Variants in KATNAL2 observed in about 807,000 individuals in gnomAD.
The protein encoded by KATNAL2 is katanin p60 ATPase-containing subunit A-like 2.
KATNAL2 carries 52 observed loss-of-function variants against 76.3 expected under a neutral mutation model. That is an observed-to-expected ratio of 0.68 (90% CI 0.55 to 0.86). KATNAL2 has a LOEUF of 0.86. Ranked by LOEUF, KATNAL2 falls within the 40% of genes least tolerant of loss-of-function variation. The pLI is 0.00. For missense variants in KATNAL2, 660 were observed against 668.9 expected, an observed-to-expected ratio of 0.99 and a Z score of 0.15; for synonymous variants, 243 against 244.2, an observed-to-expected ratio of 1.00 and a Z score of 0.05.
At chr18:46,922,240 C>T (rs919224571) in intron 1 of KATNAL2, among the ~76,000 whole-genome samples, 6 of 151,796 alleles carry the variant, frequency 4.0e-5, no homozygotes, top group Admixed American at 3.9e-4. Context: ...GCTGGGACCA[C>T]GGGCACACCA....
At chr18:47,033,264 G>C (rs770221584) in intron 3 of KATNAL2, 2 of 1,613,408 alleles carry the variant, frequency 1.2e-6, no homozygotes, top group African/African-American at 2.7e-5. Flanking sequence ...CCCCATTTTC[G>C]GGGTCAGCGT....
chr18:46,952,602 T>C (rs2146712649), intron 3 of KATNAL2, among the ~76,000 whole-genome samples: 1 of 151,970 alleles, frequency 6.6e-6, no homozygotes, highest in East Asian at 1.9e-4. Context: ...AGTTTAACCA[T>C]ATTGGTCAGG....
At chr18:47,097,117 T>TGAA (rs1191497421) in intron 15 of KATNAL2, among the ~76,000 whole-genome samples, 1 of 88,462 alleles carries the variant, frequency 1.1e-5, no homozygotes, top group Non-Finnish European at 2.2e-5. Context: ...AGACCCTGGC[T>TGAA]CAAAAAAAAA....
At chr18:47,076,298 T>C (rs573016767) in intron 14 of KATNAL2, 7 of 152,344 alleles carry the variant, frequency 4.6e-5, no homozygotes, top group African/African-American at 1.7e-4. Flanking sequence ...ATGGGATTCA[T>C]GTAATTGATT....
intron 1 of KATNAL2, among the ~76,000 whole-genome samples, chr18:46,919,600 G>A (rs1186363088): frequency 6.6e-6 from 1 of 152,134 alleles, no homozygotes; most frequent in Non-Finnish European, 1.5e-5. Context: ...AGTGAGCTGC[G>A]ATCGCACCAT....
intron 15 of KATNAL2, 33 bp downstream of exon 15, chr18:47,077,494 T>C: frequency 6.7e-7 from 1 of 1,484,596 alleles, no homozygotes; most frequent in Non-Finnish European, 9.4e-7. Context: ...TTTGAATACA[T>C]TTTCAGGAGT....
At position 47,046,614 on chromosome 18, in the gene KATNAL2, CTT is replaced by C. The variant is rs1487187929; in HGVS notation, c.122+89_122+90del. 11 of 964,506 alleles carry C rather than the reference CTT, an allele frequency of 1.1e-5. No homozygotes were observed. In the East Asian group the frequency reaches 2.4e-4, roughly 21 times the overall value. The allele number at this position is 964,506 out of a possible 1,614,324, so 59.7% of individuals were successfully genotyped here. On this transcript the variant is annotated intron_variant, in intron 4 of 17. Coordinates refer to ENST00000683218, the MANE Select transcript of KATNAL2 (RefSeq NM_001387690.1). The stretch of plus-strand genomic sequence containing the variant: ...GATGCGTACTTTTAAATACAATAGA[CTT>C]TCTTGTTTAGAGCAATTCTATATTT...
intron 1 of KATNAL2, among the ~76,000 whole-genome samples, chr18:46,927,366 G>A (rs2058760986): frequency 6.6e-6 from 1 of 152,100 alleles, no homozygotes; most frequent in Admixed American, 6.5e-5. Flanking sequence ...CTGGATATGA[G>A]ATTCTGGGTC....
At chr18:46,926,277 A>G (rs2058726993) in intron 1 of KATNAL2, among the ~76,000 whole-genome samples, 1 of 151,886 alleles carries the variant, frequency 6.6e-6, no homozygotes, top group Non-Finnish European at 1.5e-5. Flanking sequence ...AGATTCTGGT[A>G]TGTTGTGTGT....
chr18:47,081,887 A>G (rs903056025), intron 15 of KATNAL2, among the ~76,000 whole-genome samples: 4 of 152,238 alleles, frequency 2.6e-5, no homozygotes, highest in African/African-American at 9.6e-5. Flanking sequence ...CCTTTTGATT[A>G]GACAGAGCTA....
At chr18:46,939,808 A>G (rs191176897) in intron 1 of KATNAL2, among the ~76,000 whole-genome samples, 161 of 152,314 alleles carry the variant, frequency 1.1e-3, no homozygotes, top group African/African-American at 3.6e-3. Context: ...CCCTGAAGCT[A>G]CACTGGTCTC....
intron 15 of KATNAL2, chr18:47,098,287 G>A (rs2063337125): frequency 3.4e-6 from 1 of 293,912 alleles, no homozygotes. Context: ...AGACTGGGAA[G>A]AAAAAAAAAT....
At chr18:46,935,612 T>G (rs563023643) in intron 1 of KATNAL2, among the ~76,000 whole-genome samples, 2 of 151,904 alleles carry the variant, frequency 1.3e-5, no homozygotes, top group African/African-American at 4.8e-5. Flanking sequence ...TAAATAAGTT[T>G]ACATTGAAAA....
intron 3 of KATNAL2, chr18:47,032,540 C>A: frequency 4.8e-6 from 1 of 209,694 alleles, no homozygotes; most frequent in Non-Finnish European, 9.6e-6. Flanking sequence ...CAAGATCATG[C>A]TCAGCCTTTT....
At chr18:47,097,049 G>T (rs980602250) in intron 15 of KATNAL2, among the ~76,000 whole-genome samples, 1 of 150,026 alleles carries the variant, frequency 6.7e-6, no homozygotes, top group Non-Finnish European at 1.5e-5. Context: ...AGTCCAGGAG[G>T]TGTAGGTTGC....
At chr18:46,936,607 C>A (rs2059099663) in intron 1 of KATNAL2, among the ~76,000 whole-genome samples, 1 of 151,948 alleles carries the variant, frequency 6.6e-6, no homozygotes, top group East Asian at 1.9e-4. Context: ...AGAGAAATCA[C>A]CATGAAAATT....
chr18:47,083,818 T>C (rs1273087840), intron 15 of KATNAL2, among the ~76,000 whole-genome samples: 3 of 152,214 alleles, frequency 2.0e-5, no homozygotes, highest in African/African-American at 4.8e-5. Context: ...AACAAAATAC[T>C]GAACAGGCCC....
At chr18:46,923,206 C>G in intron 1 of KATNAL2, among the ~76,000 whole-genome samples, 1 of 113,318 alleles carries the variant, frequency 8.8e-6, no homozygotes, top group African/African-American at 3.3e-5. Flanking sequence ...TAATGCTATC[C>G]CTCCCCCCTC....
intron 1 of KATNAL2, chr18:46,920,135 G>A: frequency 7.9e-7 from 1 of 1,268,758 alleles, no homozygotes; most frequent in Non-Finnish European, 1.0e-6. Flanking sequence ...TGGATGGGTT[G>A]GGTAGGTTTG....
Sources: gnomAD v4.1 joint callset for allele counts (sites outside exome capture counted in the v4.1 genomes callset) on GRCh38, gnomAD v4.1.1 for gene constraint, MANE v1.5 for transcripts, NCBI Gene and HGNC (gene_info 2026-07-23, HGNC 2026-07-21) for gene names.